The following NR5A2 variants were observed in gnomAD, a reference collection of about 807,000 sequenced individuals.
The protein encoded by NR5A2 is CYP7A promoter-binding factor.
Under a neutral mutation model 62.7 loss-of-function variants are expected in NR5A2, and 26 were observed. That is an observed-to-expected ratio of 0.41 (90% CI 0.30 to 0.58). The LOEUF (loss-of-function observed/expected upper bound fraction) is 0.58, where lower values mean the gene tolerates loss of function less well. NR5A2 is among the 20% of genes least tolerant of loss of function. The pLI, the probability that NR5A2 is intolerant of heterozygous loss-of-function variation, is 0.22. For missense variants in NR5A2, 541 were observed against 669.1 expected (o/e 0.81, Z 2.11); for synonymous variants, 246 against 241.7 (o/e 1.02, Z -0.16).
chr1:200,148,007 G>A (rs1412112448), intron 7 of NR5A2: 3 of 306,402 alleles, frequency 9.8e-6, no homozygotes, highest in African/African-American at 4.5e-5. Context: ...AGCCGAAAAC[G>A]CCCAGTTCGA....
chr1:200,118,322 C>G (rs1666335074), intron 6 of NR5A2, among the ~76,000 whole-genome samples: 1 of 152,156 alleles, frequency 6.6e-6, no homozygotes, highest in African/African-American at 2.4e-5. Flanking sequence ...TGGATCTTAA[C>G]TAGTGGTATT....
chr1:200,052,631 G>A (rs539572635), intron 5 of NR5A2, among the ~76,000 whole-genome samples: 10 of 151,690 alleles, frequency 6.6e-5, no homozygotes, highest in Non-Finnish European at 1.2e-4. Context: ...ATTTTGAAAT[G>A]ACCTCTTTCT....
chr1:200,065,596 T>C (rs1165017448), intron 5 of NR5A2, among the ~76,000 whole-genome samples: 1 of 152,234 alleles, frequency 6.6e-6, no homozygotes, highest in East Asian at 1.9e-4. Context: ...TTTTTAAAAT[T>C]ACATATTCCC....
intron 7 of NR5A2, among the ~76,000 whole-genome samples, chr1:200,166,035 AGGTGCCTCTT>A (rs1190499786): frequency 1.3e-5 from 2 of 152,118 alleles, no homozygotes; most frequent in Non-Finnish European, 2.9e-5. Flanking sequence ...AGGTGCCTCT[AGGTGCCTCTT>A]AAAAGTGGAC....
intron 7 of NR5A2, among the ~76,000 whole-genome samples, chr1:200,134,841 G>C (rs1318419259): frequency 6.6e-6 from 1 of 152,078 alleles, no homozygotes; most frequent in African/African-American, 2.4e-5. Flanking sequence ...ATGCAGTTTA[G>C]TGGCATTAAG....
At chr1:200,123,811 T>C (rs1362243328) in intron 7 of NR5A2, among the ~76,000 whole-genome samples, 2 of 151,474 alleles carry the variant, frequency 1.3e-5, no homozygotes. Context: ...AGGTGGTTTT[T>C]TTTTTTTGAA....
chr1:200,137,965 G>A (rs961757724), intron 7 of NR5A2, among the ~76,000 whole-genome samples: 10 of 152,118 alleles, frequency 6.6e-5, no homozygotes, highest in Non-Finnish European at 1.5e-4. Context: ...CAAAGAGGTA[G>A]CTAAGAAACT....
intron 5 of NR5A2, chr1:200,057,586 C>A (rs986861770): frequency 2.9e-6 from 1 of 342,192 alleles, no homozygotes; most frequent in Non-Finnish European, 5.9e-6. Context: ...TCAAGTGATT[C>A]GCCTGCCTCA....
At chr1:200,047,545 G>A (rs1347547972) in intron 4 of NR5A2, among the ~76,000 whole-genome samples, 1 of 151,698 alleles carries the variant, frequency 6.6e-6, no homozygotes, top group Non-Finnish European at 1.5e-5. Context: ...TTAGTAGAAC[G>A]ACTGATACTC....
rs776249517 is a variant in NR5A2 at position 200,072,730 on chromosome 1, A to G, written c.1110+23912A>G. Among the ~76,000 whole-genome samples the G allele has an allele frequency of 2.0e-4, 31 of 152,206 alleles. 1 individual carries two copies. The highest frequency in any genetic ancestry group is 1.9e-4 in the Non-Finnish European group (13 of 68,026). On this transcript the variant is annotated intron_variant, in intron 5 of 7. Coordinates refer to ENST00000367362, the MANE Select transcript of NR5A2 (RefSeq NM_205860.3). ...AAATATAAATGAATAAAGTGTGCAC[A>G]GAGTCATGCTGCTTTCAGGACTATA...
At chr1:200,045,047 A>G (rs1400478621) in intron 3 of NR5A2, among the ~76,000 whole-genome samples, 1 of 152,066 alleles carries the variant, frequency 6.6e-6, no homozygotes, top group Non-Finnish European at 1.5e-5. Flanking sequence ...GCAATGGTTT[A>G]TCACTGAAAT....
At chr1:200,049,729 A>C (rs1398843937) in intron 5 of NR5A2, among the ~76,000 whole-genome samples, 3 of 152,054 alleles carry the variant, frequency 2.0e-5, no homozygotes, top group Non-Finnish European at 4.4e-5. Flanking sequence ...TAACGGGGAG[A>C]GATGTGGCTG....
chr1:200,102,360 T>C (rs1249214646), intron 5 of NR5A2, among the ~76,000 whole-genome samples: 60 of 152,186 alleles, frequency 3.9e-4, no homozygotes, highest in Admixed American at 3.8e-3. Flanking sequence ...AGTGGTTTCT[T>C]TAGCGGTTCC....
At chr1:200,029,142 GGCAGCTCCGC>G (rs764956774) in intron 1 of NR5A2, 18 of 433,112 alleles carry the variant, frequency 4.2e-5, no homozygotes, top group Non-Finnish European at 7.4e-5. Flanking sequence ...AGTCCTTCCC[GGCAGCTCCGC>G]GCAGCTCCGG....
At chr1:200,076,905 T>A (rs1354864616) in intron 5 of NR5A2, among the ~76,000 whole-genome samples, 2 of 152,214 alleles carry the variant, frequency 1.3e-5, no homozygotes, top group African/African-American at 2.4e-5. Context: ...GATTAATTTG[T>A]ATAAATTAAA....
chr1:200,122,825 C>T (rs926674236), intron 7 of NR5A2, among the ~76,000 whole-genome samples: 5 of 152,000 alleles, frequency 3.3e-5, no homozygotes, highest in Admixed American at 1.3e-4. Flanking sequence ...GAATTCTGGC[C>T]GAGAGTCTAT....
chr1:200,145,410 A>G (rs969193931), intron 7 of NR5A2, among the ~76,000 whole-genome samples: 1 of 151,720 alleles, frequency 6.6e-6, no homozygotes, highest in African/African-American at 2.4e-5. Context: ...TGGTTCACCA[A>G]TTCCTGTGTG....
intron 4 of NR5A2, among the ~76,000 whole-genome samples, chr1:200,046,583 A>G (rs111671374): frequency 2.8e-3 from 419 of 152,336 alleles, no homozygotes; most frequent in African/African-American, 9.6e-3. Flanking sequence ...TCTGCTGAAT[A>G]GCTAACACGC....
intron 5 of NR5A2, among the ~76,000 whole-genome samples, chr1:200,050,860 C>A (rs898908960): frequency 6.6e-6 from 1 of 152,080 alleles, no homozygotes; most frequent in African/African-American, 2.4e-5. Flanking sequence ...CCATTGCACT[C>A]GAGCCTGGGT....
Sources: allele counts gnomAD v4.1 joint callset (sites outside exome capture counted in the v4.1 genomes callset), GRCh38; gene constraint gnomAD v4.1.1; transcripts MANE v1.5; gene names NCBI Gene and HGNC (gene_info 2026-07-23, HGNC 2026-07-21).